Variants in THSD7B observed in about 807,000 individuals in gnomAD.
THSD7B encodes the protein thrombospondin type-1 domain-containing protein 7B.
A neutral mutation model predicts 213.6 loss-of-function variants in THSD7B; 138 were observed. The ratio of observed to expected loss-of-function variants is 0.65; its 90% CI spans 0.56 to 0.74. The LOEUF (loss-of-function observed/expected upper bound fraction) is 0.74. Ranked by LOEUF, THSD7B falls within the 30% of genes least tolerant of loss-of-function variation. The pLI is 0.00. For synonymous variants in THSD7B, 742 were observed against 687.0 expected (o/e 1.08, Z -1.25); for missense variants, 1,931 against 1,991.5 (o/e 0.97, Z 0.58).
chr2:137,652,617 A>G (rs1169567347), intron 21 of THSD7B, among the ~76,000 whole-genome samples: 2 of 151,948 alleles, frequency 1.3e-5, no homozygotes, highest in Non-Finnish European at 2.9e-5. Flanking sequence ...ATTGTTTTGT[A>G]ACTCCTCTTT....
At chr2:137,588,020 AG>A (rs1681777878) in intron 17 of THSD7B, among the ~76,000 whole-genome samples, 1 of 152,290 alleles carries the variant, frequency 6.6e-6, no homozygotes, top group Admixed American at 6.5e-5. Context: ...TACATACTCA[AG>A]CCTCAGCAAT....
intron 5 of THSD7B, among the ~76,000 whole-genome samples, chr2:137,117,580 A>T (rs1688467238): frequency 6.6e-6 from 1 of 152,080 alleles, no homozygotes; most frequent in African/African-American, 2.4e-5. Flanking sequence ...CACAAGGTTA[A>T]TCTTCCCCTA....
intron 5 of THSD7B, among the ~76,000 whole-genome samples, chr2:137,125,262 G>A (rs1009481891): frequency 6.6e-6 from 1 of 152,140 alleles, no homozygotes; most frequent in Non-Finnish European, 1.5e-5. Context: ...TTTACCAGTA[G>A]TAGAACTTAT....
chr2:137,429,615 G>T (rs1484738796), intron 14 of THSD7B, among the ~76,000 whole-genome samples: 1 of 152,168 alleles, frequency 6.6e-6, no homozygotes, highest in East Asian at 1.9e-4. Flanking sequence ...AAAGTATTCT[G>T]GTTAGACATT....
intron 5 of THSD7B, among the ~76,000 whole-genome samples, chr2:137,158,800 A>G (rs1679956666): frequency 6.6e-6 from 1 of 152,068 alleles, no homozygotes; most frequent in Admixed American, 6.6e-5. Flanking sequence ...ATGATTTACA[A>G]CTCACTCCTC....
At chr2:136,996,456 C>T (rs1025556534) in intron 2 of THSD7B, among the ~76,000 whole-genome samples, 2 of 152,008 alleles carry the variant, frequency 1.3e-5, no homozygotes, top group African/African-American at 4.8e-5. Flanking sequence ...ATCCTCCCTT[C>T]TCAGCCTCTG....
intron 12 of THSD7B, among the ~76,000 whole-genome samples, chr2:137,404,680 A>C (rs1034805427): frequency 1.3e-5 from 2 of 151,644 alleles, no homozygotes; most frequent in East Asian, 3.9e-4. Context: ...CAACCATAAA[A>C]AGGAATGAAT....
At chr2:137,305,419 G>A (rs1380493678) in intron 12 of THSD7B, among the ~76,000 whole-genome samples, 2 of 152,068 alleles carry the variant, frequency 1.3e-5, no homozygotes, top group Non-Finnish European at 2.9e-5. Context: ...CAAGTAGGCT[G>A]GAACTCACAG....
chr2:137,444,643 A>G (rs1490884501), intron 14 of THSD7B, among the ~76,000 whole-genome samples: 2 of 152,014 alleles, frequency 1.3e-5, no homozygotes, highest in East Asian at 3.9e-4. Context: ...ACTTAAATAT[A>G]GGACCTGAAA....
intron 17 of THSD7B, among the ~76,000 whole-genome samples, chr2:137,601,092 A>G (rs2104823301): frequency 6.6e-6 from 1 of 152,342 alleles, no homozygotes; most frequent in South Asian, 2.1e-4. Flanking sequence ...TGTTATTGTA[A>G]AAGAGTCAAA....
At chr2:136,804,433 CACACA>C (rs1682249082) in intron 1 of THSD7B, among the ~76,000 whole-genome samples, 3 of 149,790 alleles carry the variant, frequency 2.0e-5, no homozygotes, top group African/African-American at 4.9e-5. Flanking sequence ...CACACACACA[CACACA>C]CCCTTACCCT....
intron 12 of THSD7B, among the ~76,000 whole-genome samples, chr2:137,302,152 T>C (rs924421357): frequency 1.3e-5 from 2 of 152,012 alleles, no homozygotes; most frequent in Admixed American, 1.3e-4. Context: ...ATGAGAGATA[T>C]AATTTGGGTG....
chr2:136,864,064 C>A (rs1683295203), intron 1 of THSD7B, among the ~76,000 whole-genome samples: 1 of 152,142 alleles, frequency 6.6e-6, no homozygotes, highest in African/African-American at 2.4e-5. Context: ...CATAGGGAAA[C>A]AACACTATTT....
intron 1 of THSD7B, among the ~76,000 whole-genome samples, chr2:136,877,271 G>A: frequency 6.6e-6 from 1 of 152,124 alleles, no homozygotes; most frequent in East Asian, 1.9e-4. Flanking sequence ...TAATTTAGTA[G>A]CCATTTTGCC....
intron 12 of THSD7B, among the ~76,000 whole-genome samples, chr2:137,288,897 A>G (rs1303530184): frequency 6.6e-6 from 1 of 152,026 alleles, no homozygotes; most frequent in East Asian, 1.9e-4. Context: ...ACCTAGAGGC[A>G]AACTGGTGTG....
chr2:137,006,249 G>T (rs1400576449), intron 2 of THSD7B, among the ~76,000 whole-genome samples: 1 of 152,118 alleles, frequency 6.6e-6, no homozygotes, highest in East Asian at 1.9e-4. Flanking sequence ...AAAAAAATTA[G>T]CCAGGCGTGG....
At chr2:137,672,498 A>G (rs1683599082) in intron 27 of THSD7B, among the ~76,000 whole-genome samples, 1 of 152,210 alleles carries the variant, frequency 6.6e-6, no homozygotes, top group African/African-American at 2.4e-5. Flanking sequence ...TTTCACAGGT[A>G]AAGTAAGCTG....
rs376088341 is a variant in THSD7B, at chr2:136,904,064, T to A, written c.139+21747T>A. On this transcript the variant is annotated intron_variant, in intron 2 of 27. Transcript: ENST00000409968. ...ATAGTCCCAGCTGTGTCCCCAAATG[T>A]TCCTCAAGGAGGAGGGAAGAATAAG... Among the ~76,000 whole-genome samples, 23 of 147,950 alleles carry A rather than the reference T, an allele frequency of 1.6e-4. No individual in the cohort carries two copies. In the East Asian group the frequency reaches 2.3e-3, roughly 15 times the overall value.
At chr2:137,672,523 A>C (rs899692663) in intron 27 of THSD7B, among the ~76,000 whole-genome samples, 1 of 152,198 alleles carries the variant, frequency 6.6e-6, no homozygotes, top group Non-Finnish European at 1.5e-5. Context: ...CCTATTACAG[A>C]CCTATTGTTA....
Sources: gnomAD v4.1 joint callset for allele counts (sites outside exome capture counted in the v4.1 genomes callset) on GRCh38, gnomAD v4.1.1 for gene constraint, MANE v1.5 for transcripts, NCBI Gene and HGNC (gene_info 2026-07-23, HGNC 2026-07-21) for gene names.